DGKB: variants seen among roughly 807,000 people sequenced by gnomAD.
The protein encoded by DGKB is 90 kDa diacylglycerol kinase.
In DGKB, 67 loss-of-function variants were observed where a neutral mutation model predicts 114.3. That is an observed-to-expected ratio of 0.59 (90% CI 0.48 to 0.72). The LOEUF is 0.72. DGKB is among the 30% of genes least tolerant of loss of function. The pLI, the probability that DGKB is intolerant of heterozygous loss-of-function variation, is 0.00. For missense variants in DGKB, 907 were observed against 975.2 expected (o/e 0.93, Z 0.93); for synonymous variants, 398 against 323.1 (o/e 1.23, Z -2.49).
chr7:14,853,660 T>C (rs985935258), intron 1 of DGKB, among the ~76,000 whole-genome samples: 1 of 151,662 alleles, frequency 6.6e-6, no homozygotes, highest in African/African-American at 2.4e-5. Context: ...ATCGAGACCA[T>C]CCTGGCCAAC....
At chr7:14,408,613 C>T (rs1824336497) in intron 21 of DGKB, among the ~76,000 whole-genome samples, 1 of 152,172 alleles carries the variant, frequency 6.6e-6, no homozygotes, top group South Asian at 2.1e-4. Context: ...TGTTATAATC[C>T]TATTCTTCTA....
intron 4 of DGKB, among the ~76,000 whole-genome samples, chr7:14,751,841 A>G (rs1834169133): frequency 6.6e-6 from 1 of 152,232 alleles, no homozygotes; most frequent in Admixed American, 6.5e-5. Flanking sequence ...TTGGTGGTAT[A>G]TCTCCAATAT....
chr7:14,956,937 T>C (rs912463451), intron 1 of DGKB, among the ~76,000 whole-genome samples: 1 of 151,870 alleles, frequency 6.6e-6, no homozygotes, highest in African/African-American at 2.4e-5. Context: ...CCTCCCGGCT[T>C]CCTCCCTCCA....
intron 1 of DGKB, among the ~76,000 whole-genome samples, chr7:14,967,603 G>A (rs1354928510): frequency 3.5e-5 from 5 of 144,682 alleles, no homozygotes; most frequent in Non-Finnish European, 7.4e-5. Flanking sequence ...TTACAGGTGC[G>A]AGCCACCGCG....
chr7:14,940,383 A>T (rs1490424658), intron 1 of DGKB, among the ~76,000 whole-genome samples: 1 of 151,960 alleles, frequency 6.6e-6, no homozygotes, highest in Non-Finnish European at 1.5e-5. Context: ...TATTGACAAA[A>T]TTCAAAATGT....
At position 14,247,832 on chromosome 7, in the gene DGKB, G is replaced by A. The variant is rs921413202; in HGVS notation, c.2123-69681C>T. 3.3e-5 allele frequency among the ~76,000 whole-genome samples: 5 copies of A among 151,908 alleles called. No individual in the cohort carries two copies. The South Asian group carries it at 1.0e-3, about 31-fold the overall frequency. ...TGCCTTTGATTATTTCTTTTGCTGT[G>A]CAGAGATTTTTAGTTTGATGCAATA... On this transcript the variant is annotated intron_variant, in intron 23 of 25. Transcript: ENST00000402815.
chr7:14,422,759 A>G (rs941767912), intron 21 of DGKB, among the ~76,000 whole-genome samples: 7 of 152,028 alleles, frequency 4.6e-5, no homozygotes, highest in African/African-American at 1.7e-4. Context: ...AAGGTAGAAT[A>G]GTGAATAGAT....
intron 3 of DGKB, among the ~76,000 whole-genome samples, chr7:14,756,665 A>G (rs1834918234): frequency 6.6e-6 from 1 of 151,994 alleles, no homozygotes; most frequent in Non-Finnish European, 1.5e-5. Flanking sequence ...GAGGGTTATG[A>G]TAACTAAAAT....
intron 23 of DGKB, among the ~76,000 whole-genome samples, chr7:14,201,888 G>A (rs1339473794): frequency 1.3e-5 from 2 of 151,894 alleles, no homozygotes; most frequent in Non-Finnish European, 2.9e-5. Context: ...CAATCAATAA[G>A]CATACGTTGA....
intron 21 of DGKB, among the ~76,000 whole-genome samples, chr7:14,410,923 A>G (rs1350399469): frequency 2.0e-5 from 3 of 152,160 alleles, no homozygotes; most frequent in Admixed American, 6.6e-5. Flanking sequence ...TGCTCGTTTG[A>G]CTTAAAATGA....
intron 1 of DGKB, among the ~76,000 whole-genome samples, chr7:14,885,210 G>C (rs536617694): frequency 3.5e-4 from 53 of 152,042 alleles, no homozygotes; most frequent in Non-Finnish European, 6.3e-4. Flanking sequence ...TAACTGAAGG[G>C]ATTGCTAACA....
intron 15 of DGKB, among the ~76,000 whole-genome samples, chr7:14,616,450 A>G (rs1806544496): frequency 6.6e-6 from 1 of 151,688 alleles, no homozygotes; most frequent in Admixed American, 6.6e-5. Flanking sequence ...TCACAAAACA[A>G]TTGTGAAATA....
At chr7:14,920,083 G>C (rs1365572510) in intron 1 of DGKB, among the ~76,000 whole-genome samples, 6 of 152,070 alleles carry the variant, frequency 3.9e-5, no homozygotes, top group Non-Finnish European at 8.8e-5. Flanking sequence ...AGAAAATCTA[G>C]GTAACTTTGT....
intron 5 of DGKB, among the ~76,000 whole-genome samples, chr7:14,734,328 C>T (rs1346537905): frequency 1.3e-5 from 2 of 152,044 alleles, no homozygotes; most frequent in South Asian, 2.1e-4. Flanking sequence ...CATGATCCAC[C>T]GTGTCCGGCC....
chr7:14,239,273 C>A (rs1793289133), intron 23 of DGKB, among the ~76,000 whole-genome samples: 2 of 148,302 alleles, frequency 1.3e-5, no homozygotes, highest in Admixed American at 1.4e-4. Flanking sequence ...TTTTACAGCT[C>A]TAAGAACATT....
chr7:14,798,011 G>C (rs1436024289), intron 2 of DGKB, among the ~76,000 whole-genome samples: 1 of 152,160 alleles, frequency 6.6e-6, no homozygotes, highest in Non-Finnish European at 1.5e-5. Flanking sequence ...CCGAAATCAG[G>C]TTGCTGTCTG....
chr7:14,540,560 A>G (rs563435131), intron 20 of DGKB, among the ~76,000 whole-genome samples: 3 of 152,294 alleles, frequency 2.0e-5, no homozygotes, highest in East Asian at 1.9e-4. Context: ...GCTTGTGCAA[A>G]GTCATCACAG....
chr7:14,644,337 C>G (rs541742234), intron 13 of DGKB, among the ~76,000 whole-genome samples: 8 of 152,042 alleles, frequency 5.3e-5, no homozygotes, highest in African/African-American at 1.9e-4. Context: ...CATAACACCT[C>G]TAAAGGAAAA....
intron 9 of DGKB, among the ~76,000 whole-genome samples, chr7:14,690,830 A>G (rs1822715691): frequency 1.3e-5 from 2 of 152,212 alleles, no homozygotes; most frequent in African/African-American, 2.4e-5. Context: ...CAATTCTCCA[A>G]TGAGATGAAT....
Sources: allele counts gnomAD v4.1 joint callset (sites outside exome capture counted in the v4.1 genomes callset), GRCh38; gene constraint gnomAD v4.1.1; transcripts MANE v1.5; gene names NCBI Gene and HGNC (gene_info 2026-07-23, HGNC 2026-07-21).